Variants in HS6ST3 observed in about 807,000 individuals in gnomAD.
HS6ST3 encodes the protein heparan sulfate 6-O-sulfotransferase 3.
HS6ST3 carries 12 observed loss-of-function variants against 36.7 expected under a neutral mutation model. The observed-to-expected ratio is 0.33, with a 90% CI of 0.21 to 0.53. The LOEUF (loss-of-function observed/expected upper bound fraction) is 0.53. Ranked by LOEUF, HS6ST3 falls within the 20% of genes least tolerant of loss-of-function variation. The pLI, the probability that HS6ST3 is intolerant of heterozygous loss-of-function variation, is 0.95. For missense variants in HS6ST3, 584 were observed against 640.9 expected, an observed-to-expected ratio of 0.91 and a Z score of 0.96; for synonymous variants, 240 against 257.5, an observed-to-expected ratio of 0.93 and a Z score of 0.65.
At chr13:96,748,954 T>C (rs896958007) in intron 1 of HS6ST3, among the ~76,000 whole-genome samples, 1 of 152,126 alleles carries the variant, frequency 6.6e-6, no homozygotes, top group African/African-American at 2.4e-5. Flanking sequence ...GCCCTTCCTA[T>C]TATACTTCAG....
intron 1 of HS6ST3, among the ~76,000 whole-genome samples, chr13:96,349,397 A>G (rs1424370730): frequency 1.3e-5 from 2 of 152,100 alleles, no homozygotes; most frequent in African/African-American, 4.8e-5. Flanking sequence ...TTGTTTTGGA[A>G]TCATATTGTT....
intron 1 of HS6ST3, among the ~76,000 whole-genome samples, chr13:96,493,177 TTTG>T (rs2055955189): frequency 6.6e-6 from 1 of 152,160 alleles, no homozygotes; most frequent in Non-Finnish European, 1.5e-5. Context: ...TGGGTAGCTT[TTTG>T]TTGTTGTTAT....
At chr13:96,667,045 C>A (rs1261870408) in intron 1 of HS6ST3, among the ~76,000 whole-genome samples, 1 of 152,106 alleles carries the variant, frequency 6.6e-6, no homozygotes, top group Non-Finnish European at 1.5e-5. Flanking sequence ...AAGATAAACA[C>A]CACACGTCCC....
intron 1 of HS6ST3, among the ~76,000 whole-genome samples, chr13:96,194,091 G>C (rs9562050): frequency 0.51 from 76,928 of 151,998 alleles, 19,673 homozygotes; most frequent in African/African-American, 0.57. Context: ...CCTGTGAGTA[G>C]ACATTTTCCC....
intron 1 of HS6ST3, among the ~76,000 whole-genome samples, chr13:96,129,133 G>A (rs919734478): frequency 1.2e-4 from 19 of 152,164 alleles, no homozygotes; most frequent in African/African-American, 4.3e-4. Flanking sequence ...TTATAGCTGT[G>A]AGCCACCATG....
chr13:96,462,816 C>A (rs1390318633), intron 1 of HS6ST3, among the ~76,000 whole-genome samples: 2 of 152,132 alleles, frequency 1.3e-5, no homozygotes, highest in Non-Finnish European at 2.9e-5. Flanking sequence ...ATCTATCTAT[C>A]TAAATGAGTT....
chr13:96,377,064 T>TTA (rs1049620592), intron 1 of HS6ST3, among the ~76,000 whole-genome samples: 36 of 147,616 alleles, frequency 2.4e-4, no homozygotes, highest in South Asian at 6.3e-4. Flanking sequence ...AATATATATT[T>TTA]TATATATATA....
At chr13:96,371,870 C>T (rs2055291773) in intron 1 of HS6ST3, among the ~76,000 whole-genome samples, 1 of 152,076 alleles carries the variant, frequency 6.6e-6, no homozygotes, top group South Asian at 2.1e-4. Flanking sequence ...TATGGGTTTT[C>T]TTTATCCATT....
intron 1 of HS6ST3, among the ~76,000 whole-genome samples, chr13:96,182,135 C>T (rs991744995): frequency 6.6e-6 from 1 of 152,196 alleles, no homozygotes; most frequent in Non-Finnish European, 1.5e-5. Context: ...GTCCACGCCT[C>T]TTGAGACTAG....
chr13:96,753,452 T>C (rs1395804557), intron 1 of HS6ST3, among the ~76,000 whole-genome samples: 1 of 152,188 alleles, frequency 6.6e-6, no homozygotes, highest in Admixed American at 6.5e-5. Flanking sequence ...AATTTTTAGA[T>C]ACTGTATATT....
In HS6ST3 at chr13:96,833,111, G is replaced by C; in HGVS notation, c.1329G>C (p.Glu443Asp). The C allele has an allele frequency of 3.1e-6, 5 of 1,604,890 alleles. No homozygotes were observed. Among genetic ancestry groups the C allele is most frequent in the Non-Finnish European group, 4.2e-6 (5 of 1,179,898 alleles). ...KRREERRLQREHRDHQWPKED... is the reference protein window; with the variant it reads ...KRREERRLQRDHRDHQWPKED... The stretch of plus-strand genomic sequence containing the variant: ...GGGAGGAGCGGAGGCTGCAGCGAGA[G>C]CACAGGGACCACCAGTGGCCCAAAG... The change falls in exon 2 of 2, where the codon GAG (glutamate) becomes GAC (aspartate). Residue 443 changes from glutamate (E) to aspartate (D), a missense_variant. Physicochemically the swap from Glu to Asp is conservative, Grantham distance 45 (BLOSUM62 2). Around this residue, in one of 3 missense-constraint regions of HS6ST3, gnomAD observed 360 missense variants for 411.3 expected, o/e 0.88. Coordinates refer to ENST00000376705, the MANE Select transcript of HS6ST3 (RefSeq NM_153456.4).
At chr13:96,499,256 C>T (rs2055992293) in intron 1 of HS6ST3, among the ~76,000 whole-genome samples, 1 of 152,082 alleles carries the variant, frequency 6.6e-6, no homozygotes, top group Admixed American at 6.6e-5. Flanking sequence ...AAACTCCTGA[C>T]CTCAGGTGAT....
intron 1 of HS6ST3, among the ~76,000 whole-genome samples, chr13:96,472,973 A>G (rs892910708): frequency 1.3e-5 from 2 of 152,096 alleles, no homozygotes; most frequent in African/African-American, 4.8e-5. Context: ...TGTTGGCCTG[A>G]TTTTGTAAGC....
At chr13:96,537,426 A>G (rs2056160341) in intron 1 of HS6ST3, among the ~76,000 whole-genome samples, 1 of 152,228 alleles carries the variant, frequency 6.6e-6, no homozygotes, top group South Asian at 2.1e-4. Flanking sequence ...GGAAGACTCT[A>G]TAATGAGAGG....
chr13:96,215,452 C>T (rs1304948748), intron 1 of HS6ST3, among the ~76,000 whole-genome samples: 3 of 152,128 alleles, frequency 2.0e-5, no homozygotes. Context: ...TTGCCTTTCC[C>T]ATGTGTTACC....
intron 1 of HS6ST3, among the ~76,000 whole-genome samples, chr13:96,178,644 T>G (rs773179260): frequency 6.6e-6 from 1 of 152,126 alleles, no homozygotes; most frequent in African/African-American, 2.4e-5. Flanking sequence ...CTGGGGATAC[T>G]TTCTACCTGA....
In HS6ST3 at chr13:96,285,431, C is replaced by A. The variant is rs1166939840; in HGVS notation, c.707+193862C>A. ...AATCACCTTACATTTTAAGAACAGC[C>A]ATTTAGCCATTGAGAGGATGGAAAA... On this transcript the variant is annotated intron_variant, in intron 1 of 1. Coordinates refer to ENST00000376705, the MANE Select transcript of HS6ST3 (RefSeq NM_153456.4). 2.0e-5 allele frequency among the ~76,000 whole-genome samples: 3 copies of A among 152,288 alleles called. No homozygotes were observed. In the East Asian group the frequency reaches 5.8e-4, roughly 29 times the overall value.
intron 1 of HS6ST3, among the ~76,000 whole-genome samples, chr13:96,516,264 C>T (rs1434842433): frequency 2.6e-5 from 4 of 151,972 alleles, no homozygotes; most frequent in Non-Finnish European, 5.9e-5. Flanking sequence ...TGGGGTTTCA[C>T]CATGTTGGCC....
chr13:96,243,788 A>G (rs965781388), intron 1 of HS6ST3, among the ~76,000 whole-genome samples: 2 of 152,048 alleles, frequency 1.3e-5, no homozygotes, highest in African/African-American at 2.4e-5. Context: ...CAATTGGTTA[A>G]TATTATCACA....
Sources: gnomAD v4.1 joint callset for allele counts (sites outside exome capture counted in the v4.1 genomes callset) on GRCh38, gnomAD v4.1.1 for gene constraint, gnomAD v4.1.1 regional missense constraint, MANE v1.5 for transcripts, NCBI Gene and HGNC (gene_info 2026-07-23, HGNC 2026-07-21) for gene names.